MYRF: variants seen among roughly 807,000 people sequenced by gnomAD.
MYRF encodes the protein myelin gene regulatory factor.
MYRF carries 16 observed loss-of-function variants against 126.3 expected under a neutral mutation model. The observed-to-expected ratio is 0.13, with a 90% CI of 0.09 to 0.19. The LOEUF (loss-of-function observed/expected upper bound fraction) is 0.19, where lower values mean the gene tolerates loss of function less well. MYRF is among the 10% of genes least tolerant of loss of function. MYRF has a pLI of 1.00. For synonymous variants in MYRF, 608 were observed against 635.3 expected, an observed-to-expected ratio of 0.96 and a Z score of 0.65; for missense variants, 1,104 against 1,547.0, an observed-to-expected ratio of 0.71 and a Z score of 4.80.
intron 22 of MYRF, chr11:61,782,988 T>C (rs1291909693): frequency 6.5e-6 from 1 of 153,142 alleles, no homozygotes; most frequent in African/African-American, 2.4e-5. Flanking sequence ...CCATCTGACT[T>C]GTCACACTTC....
rs751150604 is a variant in MYRF, at chr11:61,781,005, G to A, written c.2532G>A (p.Leu844=). The change falls in exon 20 of 27, where the codon TTG becomes TTA. Residue 844 remains leucine, a synonymous_variant. Transcript: ENST00000278836. The part of the protein sequence containing the change: ...FGTTQLRQSP[L]TTGLPGIQPS... ...CCACGCAGCTCCGACAGTCCCCCTT[G>A]ACCACGGGGCTACCAGGCATACAGC... The A allele has an allele frequency of 6.2e-7, 1 of 1,609,994 alleles. No homozygotes were observed. Among genetic ancestry groups the A allele is most frequent in the African/African-American group, 1.3e-5 (1 of 74,932 alleles).
chr11:61,785,699 A>T, intron 25 of MYRF, 101 bp from the exon 26 acceptor site: 1 of 939,626 alleles, frequency 1.1e-6, no homozygotes, highest in Admixed American at 2.1e-5. Flanking sequence ...TTTCCTTCAT[A>T]AAACTCCCCA....
intron 3 of MYRF, among the ~76,000 whole-genome samples, chr11:61,768,054 G>T (rs560243404): frequency 2.6e-5 from 4 of 151,212 alleles, no homozygotes; most frequent in Non-Finnish European, 5.9e-5. Flanking sequence ...GGAGGTGGAG[G>T]TTACAGTGAG....
Position 61,776,353 on chromosome 11 carries a change from G to C in MYRF, c.1420G>C (p.Val474Leu). The change falls in exon 10 of 27, where the codon GTG (valine) becomes CTG (leucine). Residue 474 changes from valine (V) to leucine (L), a missense_variant. By Grantham distance (32) the Val-to-Leu change is conservative. This residue lies in a region of MYRF where 23 missense variants were observed against 26.6 expected (regional missense o/e 0.86). Coordinates refer to ENST00000278836, the MANE Select transcript of MYRF (RefSeq NM_001127392.3). The surrounding 1 kb of genome is among the most constrained non-coding windows in gnomAD (Gnocchi z 4.3). Reference protein sequence around the residue: ...VNLPPEQVTKVTVGRLHFSET... With the variant: ...VNLPPEQVTKLTVGRLHFSET... ...TCTGCCCCCTGAGCAGGTCACGAAGGTGACTGTGGGGCGGCTGCACTTCAG... is the reference window on the plus strand; with the variant it reads ...TCTGCCCCCTGAGCAGGTCACGAAGCTGACTGTGGGGCGGCTGCACTTCAG... 3 of 1,613,306 alleles carry C rather than the reference G, an allele frequency of 1.9e-6. No homozygotes were observed. Among genetic ancestry groups the C allele is most frequent in the Non-Finnish European group, 2.5e-6 (3 of 1,179,872 alleles).
intron 7 of MYRF, among the ~76,000 whole-genome samples, chr11:61,772,760 G>A (rs1045132234): frequency 6.6e-5 from 10 of 152,258 alleles, no homozygotes; most frequent in African/African-American, 9.6e-5. Context: ...CTGCAGCCCC[G>A]GAAGTGGCCC....
chr11:61,755,335 C>T (rs1272878850), intron 1 of MYRF: 53 of 1,571,188 alleles, frequency 3.4e-5, no homozygotes, highest in Non-Finnish European at 4.3e-5. Flanking sequence ...GCCGGGCCCC[C>T]GTGACCGCCC....
At chr11:61,779,717 T>G in intron 16 of MYRF, 125 bp from the exon 17 acceptor site, 1 of 1,209,768 alleles carries the variant, frequency 8.3e-7, no homozygotes, top group Non-Finnish European at 1.2e-6. Context: ...TTTCTCTTTC[T>G]TCTCCCTTTG....
Position 61,783,764 on chromosome 11 carries a change from A to G in MYRF, c.3120-87A>G, listed in dbSNP as rs893498320. Reference sequence around the variant, plus strand: ...GACACTGTCTCTTCTGGAGGGCTCCAGTACAGATTGGGGGCTGAGGAGTCC... The same window carrying G: ...GACACTGTCTCTTCTGGAGGGCTCCGGTACAGATTGGGGGCTGAGGAGTCC... On this transcript the variant is annotated intron_variant, in intron 23 of 26. Transcript: ENST00000278836. The surrounding 1 kb of genome is among the most constrained non-coding windows in gnomAD (Gnocchi z 4.6). The G allele has an allele frequency of 7.0e-7, 1 of 1,423,854 alleles. No homozygotes were observed. Among genetic ancestry groups the G allele is most frequent in the African/African-American group, 1.4e-5 (1 of 70,966 alleles). The allele number at this position is 1,423,854 out of a possible 1,614,324, so 88.2% of individuals were successfully genotyped here.
In MYRF at chr11:61,786,223, C is replaced by A; in HGVS notation, c.*80C>A. The A allele has an allele frequency of 7.6e-7, 1 of 1,322,616 alleles. No homozygotes were observed. The highest frequency in any genetic ancestry group is 1.1e-6 in the Non-Finnish European group (1 of 923,924). 81.9% of individuals were successfully genotyped at this position (1,322,616 alleles called of 1,614,324 possible). A position where few individuals can be genotyped will look rare whatever the true frequency, so the allele number is the denominator to read the frequency against. ...CAACACTGGATGCAATGGTGTTACA[C>A]TGGAGCCCGCTGCAGGCCAGCTCTG... On this transcript the variant is annotated 3_prime_UTR_variant, in exon 27 of 27. Transcript: ENST00000278836. The surrounding 1 kb of genome is among the most constrained non-coding windows in gnomAD (Gnocchi z 4.5).
chr11:61,777,580 G>C lies in MYRF; in HGVS notation c.1791+116G>C, dbSNP rs1565299547. 7.2e-6 allele frequency: 10 copies of C among 1,391,004 alleles called. No individual in the cohort carries two copies. The highest frequency in any genetic ancestry group is 9.8e-6 in the Non-Finnish European group (10 of 1,018,252). 86.2% of individuals were successfully genotyped at this position (1,391,004 alleles called of 1,614,324 possible). A position where few individuals can be genotyped will look rare whatever the true frequency, so the allele number is the denominator to read the frequency against. On this transcript the variant is annotated intron_variant, in intron 12 of 26. Coordinates refer to ENST00000278836, the MANE Select transcript of MYRF (RefSeq NM_001127392.3). This position sits in a 1 kb window ranked among gnomAD's most constrained non-coding sequence, Gnocchi z 8.8. ...AAAGGCGGAGCTGCGGGGGAAGGAA[G>C]GGAGGGAGGCTGGCCTCGAATCCCG...
intron 1 of MYRF, among the ~76,000 whole-genome samples, 153 bp downstream of exon 1, chr11:61,752,943 G>T (rs1319570229): frequency 3.9e-5 from 6 of 152,052 alleles, no homozygotes; most frequent in Non-Finnish European, 7.4e-5. Flanking sequence ...GGCTCCCGGG[G>T]CTGGGAGTCC....
rs547276515 is a variant in MYRF at position 61,770,592 on chromosome 11, G to C, written c.740+67G>C. 2.8e-6 allele frequency: 4 copies of C among 1,453,154 alleles called. No homozygotes were observed. In the South Asian group the frequency reaches 4.1e-5, roughly 15 times the overall value. 90.0% of individuals were successfully genotyped at this position (1,453,154 alleles called of 1,614,324 possible). On this transcript the variant is annotated intron_variant, in intron 5 of 26. Coordinates refer to ENST00000278836, the MANE Select transcript of MYRF (RefSeq NM_001127392.3). ...GTACAGGGACCAGGGTGGGCAGGGC[G>C]GCGGGCAGGCCAGAGAGGGAGGTAG...
At chr11:61,764,424 G>A (rs746855453) in intron 1 of MYRF, among the ~76,000 whole-genome samples, 12 of 152,220 alleles carry the variant, frequency 7.9e-5, no homozygotes, top group Non-Finnish European at 1.2e-4. Context: ...CCCATTGCAC[G>A]AATGAGGAGA....
At position 61,762,637 on chromosome 11, in the gene MYRF, C is replaced by T. The variant is rs977789589; in HGVS notation, c.47-2988C>T. Among the ~76,000 whole-genome samples, 5 of 152,200 alleles carry T rather than the reference C, an allele frequency of 3.3e-5. No individual in the cohort carries two copies. In the East Asian group the frequency reaches 7.7e-4, roughly 23 times the overall value. On this transcript the variant is annotated intron_variant, in intron 1 of 26. Coordinates refer to ENST00000278836, the MANE Select transcript of MYRF (RefSeq NM_001127392.3). The stretch of plus-strand genomic sequence containing the variant: ...TATCCCAGCTTCGGCAAGCCCCCAC[C>T]CTTGTCTTGTCCACCTGGAAAGTCT...
chr11:61,784,045 G>A, intron 24 of MYRF, 120 bp downstream of exon 24: 1 of 1,259,064 alleles, frequency 7.9e-7, no homozygotes, highest in Non-Finnish European at 1.1e-6. Flanking sequence ...CTGCATGGTG[G>A]GATAAGTGCT....
chr11:61,781,870 T>G, intron 22 of MYRF, 46 bp downstream of exon 22: 1 of 1,493,426 alleles, frequency 6.7e-7, no homozygotes, highest in Non-Finnish European at 8.9e-7. Flanking sequence ...CTGGCAAGGC[T>G]CACTGGCCAG....
intron 1 of MYRF, among the ~76,000 whole-genome samples, chr11:61,762,771 T>C (rs1236559275): frequency 6.6e-6 from 1 of 152,128 alleles, no homozygotes; most frequent in African/African-American, 2.4e-5. Flanking sequence ...TCAGCGTTCC[T>C]CAGGAGGCCC....
intron 7 of MYRF, among the ~76,000 whole-genome samples, chr11:61,773,747 G>A (rs944423301): frequency 6.6e-6 from 1 of 152,178 alleles, no homozygotes; most frequent in Non-Finnish European, 1.5e-5. Context: ...TAAGGCATGG[G>A]GTATAGGAGA....
In MYRF at chr11:61,786,361, T is replaced by C. The variant is rs2135912648; in HGVS notation, c.*218T>C. ...AGGGAACCTGAGAGCCAGAGACTTC[T>C]TGGGCCTTCCTGCCTGCCACCCCCT... On this transcript the variant is annotated 3_prime_UTR_variant, in exon 27 of 27. Transcript: ENST00000278836. The surrounding 1 kb of genome is among the most constrained non-coding windows in gnomAD (Gnocchi z 4.5). The C allele has an allele frequency of 1.0e-5, 6 of 590,312 alleles. No individual in the cohort carries two copies. Among genetic ancestry groups the C allele is most frequent in the Non-Finnish European group, 1.5e-5 (5 of 330,714 alleles). 36.6% of individuals were successfully genotyped at this position (590,312 alleles called of 1,614,324 possible). A position where few individuals can be genotyped will look rare whatever the true frequency, so the allele number is the denominator to read the frequency against.
Sources: gnomAD v4.1 joint callset for allele counts (sites outside exome capture counted in the v4.1 genomes callset) on GRCh38, gnomAD v4.1.1 for gene constraint, gnomAD v4.1.1 regional missense constraint, Gnocchi (gnomAD v3.1) non-coding constraint, MANE v1.5 for transcripts, NCBI Gene and HGNC (gene_info 2026-07-23, HGNC 2026-07-21) for gene names.